GRXCR2: variants seen among roughly 807,000 people sequenced by gnomAD.
The protein encoded by GRXCR2 is glutaredoxin and cysteine rich domain containing 2, also known as glutaredoxin domain-containing cysteine-rich protein 2.
GRXCR2 carries 23 observed loss-of-function variants against 24.8 expected under a neutral mutation model. The observed-to-expected ratio is 0.93, with a 90% CI of 0.67 to 1.32. The LOEUF is 1.32. Ranked by LOEUF, GRXCR2 falls within the 40% of genes most tolerant of loss-of-function variation. The pLI is 0.00. For missense variants in GRXCR2, 315 were observed against 303.4 expected (o/e 1.04, Z -0.28); for synonymous variants, 130 against 116.1 (o/e 1.12, Z -0.77).
intron 2 of GRXCR2, among the ~76,000 whole-genome samples, chr5:145,903,796 G>A (rs1757056492): frequency 6.6e-6 from 1 of 152,182 alleles, no homozygotes; most frequent in African/African-American, 2.4e-5. Context: ...ACAATTGATT[G>A]TCTTTTTCTG....
chr5:145,890,857 T>C (rs1247126591), intron 2 of GRXCR2, among the ~76,000 whole-genome samples: 17 of 151,254 alleles, frequency 1.1e-4, no homozygotes, highest in African/African-American at 4.1e-4. Flanking sequence ...AAAGACTCAT[T>C]GACCTGCTGT....
At chr5:145,916,105 G>A (rs1757234104) in intron 2 of GRXCR2, among the ~76,000 whole-genome samples, 1 of 152,170 alleles carries the variant, frequency 6.6e-6, no homozygotes, top group African/African-American at 2.4e-5. Context: ...GGGAGGCGAG[G>A]AGGTGGAGGA....
chr5:145,910,948 C>T lies in GRXCR2; in HGVS notation c.-70+24753G>A, dbSNP rs1369356485. The stretch of plus-strand genomic sequence containing the variant: ...GCCAAGGCCCTGAAAAGTTAAATTT[C>T]TTGCCCAAGATCACTCCCATGTTAT... On this transcript the variant is annotated intron_variant, in intron 2 of 3. Coordinates refer to the GRXCR2 transcript ENST00000639411. Among the ~76,000 whole-genome samples, 4 of 151,884 alleles carry T rather than the reference C, an allele frequency of 2.6e-5. No homozygotes were observed. The East Asian group carries it at 7.7e-4, about 29-fold the overall frequency.
intron 1 of GRXCR2, 45 bp downstream of exon 1, chr5:145,872,588 A>G (rs1756549343): frequency 5.4e-6 from 8 of 1,482,424 alleles, no homozygotes; most frequent in Non-Finnish European, 7.2e-6. Flanking sequence ...AACACGTTTT[A>G]GGAAGCCCTA....
At chr5:145,862,469 A>G (rs922421693) in intron 2 of GRXCR2, among the ~76,000 whole-genome samples, 5 of 152,048 alleles carry the variant, frequency 3.3e-5, no homozygotes, top group African/African-American at 1.2e-4. Flanking sequence ...AATAAGCACC[A>G]CTCTATACAA....
At chr5:145,876,264 T>C (rs1193469278), upstream of GRXCR2, among the ~76,000 whole-genome samples, 42 of 143,938 alleles carry the variant, frequency 2.9e-4, no homozygotes, top group Non-Finnish European at 1.1e-4. Flanking sequence ...CATATAAATG[T>C]AACAATTATT....
chr5:145,860,508 A>G (rs1756317122), intron 2 of GRXCR2, among the ~76,000 whole-genome samples: 1 of 152,198 alleles, frequency 6.6e-6, no homozygotes, highest in Non-Finnish European at 1.5e-5. Flanking sequence ...CTATGTGCAC[A>G]GCCCCTCATT....
At chr5:145,879,142 G>A (rs1407567678) in intron 2 of GRXCR2, among the ~76,000 whole-genome samples, 1 of 152,082 alleles carries the variant, frequency 6.6e-6, no homozygotes, top group Non-Finnish European at 1.5e-5. Flanking sequence ...CAATTAACAG[G>A]CAAAATAGCC....
intron 2 of GRXCR2, among the ~76,000 whole-genome samples, chr5:145,861,257 T>C (rs1036451880): frequency 1.3e-5 from 2 of 152,174 alleles, no homozygotes; most frequent in African/African-American, 4.8e-5. Context: ...GCAGTAGTGA[T>C]TGTCACATAG....
At chr5:145,888,996 A>G (rs951971064) in intron 2 of GRXCR2, among the ~76,000 whole-genome samples, 6 of 151,982 alleles carry the variant, frequency 3.9e-5, no homozygotes, top group Non-Finnish European at 7.4e-5. Context: ...CAACATGGTG[A>G]AACCCTGTCT....
intron 2 of GRXCR2, among the ~76,000 whole-genome samples, chr5:145,888,916 G>A (rs1756815021): frequency 6.6e-6 from 1 of 152,112 alleles, no homozygotes; most frequent in African/African-American, 2.4e-5. Context: ...GCTCACGCCT[G>A]TAATCCCAGC....
Position 145,896,362 on chromosome 5 carries a change from A to G in GRXCR2, c.-69-29634T>C, listed in dbSNP as rs567854824. 4.0e-3 allele frequency among the ~76,000 whole-genome samples: 616 copies of G among 152,328 alleles called. 4 individuals carry two copies. The highest frequency in any genetic ancestry group is 0.014 in the African/African-American group (595 of 41,572). On this transcript the variant is annotated intron_variant, in intron 2 of 3. Transcript: ENST00000639411. ...GCACAGGCAACCTACAGAATGGGAG[A>G]AAATTTTTGCAATCTACTCATCTGA...
At chr5:145,927,121 A>C (rs1757409954) in intron 2 of GRXCR2, among the ~76,000 whole-genome samples, 1 of 152,120 alleles carries the variant, frequency 6.6e-6, no homozygotes, top group Non-Finnish European at 1.5e-5. Context: ...GCTTAAGGAG[A>C]TTTTGAGCTG....
chr5:145,863,657 G>A (rs146422626), intron 2 of GRXCR2, among the ~76,000 whole-genome samples: 38 of 152,258 alleles, frequency 2.5e-4, no homozygotes, highest in Admixed American at 9.2e-4. Context: ...TGCCAGGTTA[G>A]GTTCTTTTTT....
intron 2 of GRXCR2, among the ~76,000 whole-genome samples, chr5:145,912,245 G>A (rs1757175803): frequency 6.6e-6 from 1 of 152,206 alleles, no homozygotes; most frequent in African/African-American, 2.4e-5. Context: ...AGAGTCCAGT[G>A]GAGAATACAG....
At chr5:145,888,305 T>C (rs1756803775) in intron 2 of GRXCR2, among the ~76,000 whole-genome samples, 1 of 152,106 alleles carries the variant, frequency 6.6e-6, no homozygotes, top group East Asian at 1.9e-4. Context: ...GTCTAAAGCA[T>C]GGGGTCCTGG....
chr5:145,922,807 C>T (rs1289698836), intron 2 of GRXCR2, among the ~76,000 whole-genome samples: 2 of 152,184 alleles, frequency 1.3e-5, no homozygotes, highest in Admixed American at 6.5e-5. Flanking sequence ...GGTAACAAAA[C>T]CAAAGCTAGG....
At chr5:145,892,537 T>C (rs1329344519) in intron 2 of GRXCR2, among the ~76,000 whole-genome samples, 2 of 152,056 alleles carry the variant, frequency 1.3e-5, no homozygotes, top group Non-Finnish European at 2.9e-5. Context: ...GTATCAGTGA[T>C]GGAAGAACAA....
intron 2 of GRXCR2, among the ~76,000 whole-genome samples, chr5:145,893,487 T>C (rs1235566383): frequency 1.3e-5 from 2 of 152,104 alleles, no homozygotes; most frequent in Non-Finnish European, 2.9e-5. Flanking sequence ...GCAATCCTAG[T>C]CTCTGATGAA....
Sources: allele counts gnomAD v4.1 joint callset (sites outside exome capture counted in the v4.1 genomes callset), GRCh38; gene constraint gnomAD v4.1.1; transcripts MANE v1.5; gene names NCBI Gene and HGNC (gene_info 2026-07-23, HGNC 2026-07-21).